The following CNTNAP2 variants were observed in gnomAD, a reference collection of about 807,000 sequenced individuals.
The protein encoded by CNTNAP2 is contactin associated protein 2.
In CNTNAP2, 98 loss-of-function variants were observed where a neutral mutation model predicts 155.2. That is an observed-to-expected ratio of 0.63 (90% CI 0.54 to 0.75). The LOEUF (loss-of-function observed/expected upper bound fraction) is 0.75, where lower values mean the gene tolerates loss of function less well. Ranked by LOEUF, CNTNAP2 falls within the 30% of genes least tolerant of loss-of-function variation. The pLI is 0.00. For missense variants in CNTNAP2, 1,727 were observed against 1,688.1 expected (o/e 1.02, Z -0.40); for synonymous variants, 651 against 631.2 (o/e 1.03, Z -0.47).
At chr7:146,398,946 T>C (rs1235384579) in intron 1 of CNTNAP2, among the ~76,000 whole-genome samples, 1 of 152,074 alleles carries the variant, frequency 6.6e-6, no homozygotes, top group Non-Finnish European at 1.5e-5. Flanking sequence ...TAATAACCTA[T>C]GTAGGTAGAA....
At chr7:148,143,882 T>G (rs1254225563) in intron 16 of CNTNAP2, among the ~76,000 whole-genome samples, 1 of 152,120 alleles carries the variant, frequency 6.6e-6, no homozygotes, top group Non-Finnish European at 1.5e-5. Flanking sequence ...CCACTCATGT[T>G]TCATTGGCTA....
At chr7:147,060,602 G>A (rs1309448196) in intron 4 of CNTNAP2, among the ~76,000 whole-genome samples, 4 of 152,026 alleles carry the variant, frequency 2.6e-5, no homozygotes, top group Non-Finnish European at 5.9e-5. Flanking sequence ...GGTGGCTCAC[G>A]CCTGTAATCT....
intron 3 of CNTNAP2, among the ~76,000 whole-genome samples, chr7:146,864,098 G>A (rs1266928575): frequency 6.6e-6 from 1 of 151,822 alleles, no homozygotes; most frequent in Non-Finnish European, 1.5e-5. Context: ...ATCATTCAGT[G>A]TTTTATTCTT....
chr7:148,297,376 A>G (rs961170876), intron 21 of CNTNAP2, among the ~76,000 whole-genome samples: 1 of 152,206 alleles, frequency 6.6e-6, no homozygotes, highest in Non-Finnish European at 1.5e-5. Context: ...TGTAGGGCTC[A>G]CAGATGAATA....
chr7:147,781,979 C>T (rs1480877566), intron 13 of CNTNAP2, among the ~76,000 whole-genome samples: 2 of 150,500 alleles, frequency 1.3e-5, no homozygotes, highest in Admixed American at 1.3e-4. Flanking sequence ...GCGGAGACAG[C>T]GCCACTGCAC....
chr7:147,413,310 GT>G (rs756259070), intron 10 of CNTNAP2, among the ~76,000 whole-genome samples: 7 of 152,182 alleles, frequency 4.6e-5, no homozygotes, highest in Non-Finnish European at 8.8e-5. Context: ...TTGGAGAAAA[GT>G]ATTCAAGGTA....
At chr7:146,540,300 G>A (rs749341506) in intron 1 of CNTNAP2, among the ~76,000 whole-genome samples, 2 of 152,028 alleles carry the variant, frequency 1.3e-5, no homozygotes, top group Non-Finnish European at 2.9e-5. Context: ...CCTATCTTGT[G>A]AAGTTTTGGG....
intron 9 of CNTNAP2, among the ~76,000 whole-genome samples, chr7:147,368,130 AC>A (rs1796275735): frequency 6.9e-6 from 1 of 145,134 alleles, no homozygotes; most frequent in South Asian, 2.3e-4. Context: ...ACACACACAC[AC>A]AAATATACAC....
At chr7:148,354,047 A>C (rs1479163510) in intron 21 of CNTNAP2, among the ~76,000 whole-genome samples, 1 of 152,188 alleles carries the variant, frequency 6.6e-6, no homozygotes, top group Non-Finnish European at 1.5e-5. Flanking sequence ...TGCTATTTTG[A>C]GATAAAAGAA....
At chr7:147,834,854 G>T (rs1462781595) in intron 13 of CNTNAP2, among the ~76,000 whole-genome samples, 1 of 152,122 alleles carries the variant, frequency 6.6e-6, no homozygotes, top group East Asian at 1.9e-4. Flanking sequence ...GAGGGTTTTA[G>T]CTTACATAAA....
At chr7:148,271,766 A>G (rs974294339) in intron 21 of CNTNAP2, among the ~76,000 whole-genome samples, 1 of 152,170 alleles carries the variant, frequency 6.6e-6, no homozygotes, top group Non-Finnish European at 1.5e-5. Context: ...AATATGCTTA[A>G]ATGTCTCTTT....
Position 148,247,647 on chromosome 7 carries a change from A to ATTTTT in CNTNAP2, c.3381+17871_3381+17872insTTTTT, listed in dbSNP as rs1361087053. On this transcript the variant is annotated intron_variant, in intron 20 of 23. Transcript: ENST00000361727. ...TCTCTATTTATTTATTTATTTATTT[A>ATTTTT]TTTATTTATTTATTTATTTTTTTGG... Among the ~76,000 whole-genome samples the ATTTTT allele has an allele frequency of 3.2e-5, 4 of 125,826 alleles. 2 individuals are homozygous for ATTTTT. Among genetic ancestry groups the ATTTTT allele is most frequent in the African/African-American group, 1.3e-4 (4 of 31,148 alleles). 82.5% of individuals were successfully genotyped at this position (125,826 alleles called of 152,430 possible).
intron 10 of CNTNAP2, among the ~76,000 whole-genome samples, chr7:147,458,857 G>A (rs1378620122): frequency 1.3e-5 from 2 of 152,114 alleles, no homozygotes; most frequent in African/African-American, 4.8e-5. Flanking sequence ...GTATGGAGCT[G>A]GCATAAATAT....
intron 13 of CNTNAP2, among the ~76,000 whole-genome samples, chr7:147,851,724 C>T (rs1290240394): frequency 7.2e-6 from 1 of 139,266 alleles, no homozygotes; most frequent in East Asian, 2.1e-4. Context: ...AACACTTGGA[C>T]ACAGGAAGGG....
intron 14 of CNTNAP2, among the ~76,000 whole-genome samples, chr7:147,937,114 C>T (rs980204393): frequency 2.0e-5 from 3 of 151,980 alleles, no homozygotes; most frequent in Admixed American, 6.6e-5. Context: ...TTTTTGGATC[C>T]TTCACTGCTT....
intron 9 of CNTNAP2, among the ~76,000 whole-genome samples, chr7:147,346,080 T>C (rs1178692243): frequency 3.9e-5 from 6 of 152,178 alleles, no homozygotes; most frequent in African/African-American, 1.2e-4. Flanking sequence ...AATATGACAT[T>C]GTAAATAGTG....
chr7:147,890,128 T>A (rs1327047593), intron 13 of CNTNAP2, among the ~76,000 whole-genome samples: 1 of 152,152 alleles, frequency 6.6e-6, no homozygotes, highest in Non-Finnish European at 1.5e-5. Flanking sequence ...GGCGGGCAAA[T>A]CACGAGGTCA....
At chr7:147,714,629 A>AT in intron 13 of CNTNAP2, among the ~76,000 whole-genome samples, 1 of 152,204 alleles carries the variant, frequency 6.6e-6, no homozygotes, top group South Asian at 2.1e-4. Flanking sequence ...ATTTTTTTAT[A>AT]TTGATACTAG....
intron 19 of CNTNAP2, among the ~76,000 whole-genome samples, chr7:148,228,827 C>CAAAAAA (rs10657103): frequency 0.17 from 20,062 of 117,920 alleles, 2,054 homozygotes; most frequent in Admixed American, 0.23. Flanking sequence ...GACTCTGTTT[C>CAAAAAA]AAAAAAAAAA....
Sources: gnomAD v4.1 joint callset for allele counts (sites outside exome capture counted in the v4.1 genomes callset) on GRCh38, gnomAD v4.1.1 for gene constraint, MANE v1.5 for transcripts, NCBI Gene and HGNC (gene_info 2026-07-23, HGNC 2026-07-21) for gene names.